Variants in ENTREP2 observed in about 807,000 individuals in gnomAD.
ENTREP2 encodes protein ENTREP2.
the ENTREP2 span, among the ~76,000 whole-genome samples, chr15:29,289,206 CAA>C: frequency 4.1e-4 from 32 of 77,874 alleles, no homozygotes; most frequent in Non-Finnish European, 5.2e-4. Flanking sequence ...GACCCTGTCT[CAA>C]AAAAAAAAAA....
the ENTREP2 span, among the ~76,000 whole-genome samples, chr15:29,457,493 C>T: frequency 6.6e-6 from 1 of 152,138 alleles, no homozygotes; most frequent in African/African-American, 2.4e-5. Context: ...AGGCCCTGGC[C>T]CTGGTGCCTG....
At chr15:29,630,338 T>C in the ENTREP2 span, among the ~76,000 whole-genome samples, 1 of 152,184 alleles carries the variant, frequency 6.6e-6, no homozygotes, top group Non-Finnish European at 1.5e-5. Flanking sequence ...ATTCTGTCAT[T>C]CAAATCATTG....
the ENTREP2 span, among the ~76,000 whole-genome samples, chr15:29,403,904 G>C: frequency 6.6e-6 from 1 of 152,280 alleles, no homozygotes; most frequent in Admixed American, 6.5e-5. Context: ...CCCCAGCCTG[G>C]GAGCTGTGCT....
At chr15:29,370,679 T>C in the ENTREP2 span, among the ~76,000 whole-genome samples, 10 of 152,012 alleles carry the variant, frequency 6.6e-5, no homozygotes, top group African/African-American at 2.4e-4. Context: ...TGCCAAGAAA[T>C]CCTGATATAG....
chr15:29,489,394 T>A, the ENTREP2 span, among the ~76,000 whole-genome samples: 2 of 152,302 alleles, frequency 1.3e-5, no homozygotes, highest in East Asian at 1.9e-4. Flanking sequence ...CCTGCCAAAG[T>A]AAGACGTTGC....
chr15:29,491,905 T>G, the ENTREP2 span, among the ~76,000 whole-genome samples: 1 of 152,194 alleles, frequency 6.6e-6, no homozygotes, highest in East Asian at 1.9e-4. Context: ...GTTACTCAAC[T>G]GAGGGGAAAA....
At chr15:29,176,960 G>A in the ENTREP2 span, among the ~76,000 whole-genome samples, 2 of 152,122 alleles carry the variant, frequency 1.3e-5, no homozygotes, top group Non-Finnish European at 2.9e-5. Flanking sequence ...TCTCTTCCCT[G>A]CTACCCCAAA....
At chr15:29,300,459 G>A in the ENTREP2 span, among the ~76,000 whole-genome samples, 1 of 152,042 alleles carries the variant, frequency 6.6e-6, no homozygotes, top group Non-Finnish European at 1.5e-5. Flanking sequence ...TGGATGTTGA[G>A]GCATGGCATC....
At chr15:29,331,132 G>A in the ENTREP2 span, among the ~76,000 whole-genome samples, 1 of 152,200 alleles carries the variant, frequency 6.6e-6, no homozygotes, top group African/African-American at 2.4e-5. Flanking sequence ...ACGGAATGAG[G>A]GCTTAATGTT....
the ENTREP2 span, among the ~76,000 whole-genome samples, chr15:29,220,988 T>C: frequency 2.0e-5 from 3 of 152,110 alleles, no homozygotes; most frequent in East Asian, 3.9e-4. Context: ...ATTTCATGTG[T>C]GCCATCGTGA....
At chr15:29,472,428 A>AACACACACAC in the ENTREP2 span, among the ~76,000 whole-genome samples, 3,958 of 140,628 alleles carry the variant, frequency 0.028, 86 homozygotes, top group South Asian at 0.045. Flanking sequence ...CACAACACAC[A>AACACACACAC]ACACACACAC....
At chr15:29,553,290 T>C in the ENTREP2 span, among the ~76,000 whole-genome samples, 5 of 152,144 alleles carry the variant, frequency 3.3e-5, no homozygotes, top group African/African-American at 1.2e-4. Context: ...AGCAAGACTC[T>C]GTCAAAAACA....
the ENTREP2 span, among the ~76,000 whole-genome samples, chr15:29,206,537 C>A: frequency 6.6e-6 from 1 of 152,074 alleles, no homozygotes; most frequent in African/African-American, 2.4e-5. Flanking sequence ...TCAAAGAGGC[C>A]AGATACCACA....
chr15:29,231,418 TGA>T, the ENTREP2 span, among the ~76,000 whole-genome samples: 2 of 152,192 alleles, frequency 1.3e-5, no homozygotes, highest in African/African-American at 4.8e-5. Context: ...GTAAAAAATC[TGA>T]GAGTTAATCA....
the ENTREP2 span, among the ~76,000 whole-genome samples, chr15:29,638,804 TTTCC>T: frequency 8.2e-6 from 1 of 121,214 alleles, no homozygotes; most frequent in Non-Finnish European, 1.9e-5. Flanking sequence ...ATTCATTGCC[TTTCC>T]TTTAACAATT....
chr15:29,370,633 T>C, the ENTREP2 span, among the ~76,000 whole-genome samples: 1 of 151,836 alleles, frequency 6.6e-6, no homozygotes, highest in African/African-American at 2.4e-5. Flanking sequence ...ATTGAAATGA[T>C]CCACAGAGTC....
chr15:29,260,514 T>C, the ENTREP2 span, among the ~76,000 whole-genome samples: 49 of 152,142 alleles, frequency 3.2e-4, no homozygotes, highest in African/African-American at 1.1e-3. Context: ...CATCAATACA[T>C]TGAAGAAGAA....
At chr15:29,130,928 C>G in the ENTREP2 span, among the ~76,000 whole-genome samples, 3,588 of 152,310 alleles carry the variant, frequency 0.024, 157 homozygotes, top group African/African-American at 0.082. Context: ...CTCATAAACA[C>G]AGCTCCTTAC....
the ENTREP2 span, among the ~76,000 whole-genome samples, chr15:29,438,665 C>T: frequency 3.3e-5 from 5 of 152,142 alleles, no homozygotes; most frequent in Non-Finnish European, 5.9e-5. Flanking sequence ...CCTTCTATCC[C>T]CAGTCTCTCC....
Sources: gnomAD v4.1 joint callset for allele counts (sites outside exome capture counted in the v4.1 genomes callset) on GRCh38, gnomAD v4.1.1 for gene constraint, MANE v1.5 for transcripts, NCBI Gene and HGNC (gene_info 2026-07-23, HGNC 2026-07-21) for gene names.